Variants in THSD7B observed in about 807,000 individuals in gnomAD.
The protein encoded by THSD7B is thrombospondin type-1 domain-containing protein 7B.
THSD7B carries 138 observed loss-of-function variants against 213.6 expected under a neutral mutation model. The observed-to-expected ratio is 0.65, with a 90% CI of 0.56 to 0.74. The LOEUF (loss-of-function observed/expected upper bound fraction) is 0.74. Ranked by LOEUF, THSD7B falls within the 30% of genes least tolerant of loss-of-function variation. THSD7B has a pLI of 0.00. For missense variants in THSD7B, 1,931 were observed against 1,991.5 expected (o/e 0.97, Z 0.58); for synonymous variants, 742 against 687.0 (o/e 1.08, Z -1.25).
chr2:137,366,626 T>TAAA (rs36050219), intron 12 of THSD7B, among the ~76,000 whole-genome samples: 15 of 146,438 alleles, frequency 1.0e-4, no homozygotes, highest in African/African-American at 3.7e-4. Flanking sequence ...CATACAATCG[T>TAAA]AAAAAAAAAA....
intron 2 of THSD7B, among the ~76,000 whole-genome samples, chr2:136,929,201 T>C (rs556597621): frequency 8.0e-4 from 122 of 152,332 alleles, no homozygotes; most frequent in Non-Finnish European, 1.6e-3. Context: ...TCTTGTAGAT[T>C]AATACTCTGC....
intron 2 of THSD7B, among the ~76,000 whole-genome samples, chr2:136,905,589 TC>T (rs1684145624): frequency 6.6e-6 from 1 of 152,234 alleles, no homozygotes; most frequent in Admixed American, 6.5e-5. Context: ...TTTGTAGTCA[TC>T]CTGCCTAATC....
intron 12 of THSD7B, among the ~76,000 whole-genome samples, chr2:137,309,776 G>A (rs1206501048): frequency 1.3e-5 from 2 of 152,066 alleles, no homozygotes; most frequent in East Asian, 3.9e-4. Flanking sequence ...TGTTCTTGGC[G>A]ATAGTTTACT....
chr2:137,317,193 A>C (rs761689570), intron 12 of THSD7B, among the ~76,000 whole-genome samples: 1 of 152,180 alleles, frequency 6.6e-6, no homozygotes, highest in Non-Finnish European at 1.5e-5. Flanking sequence ...AAATGAGACT[A>C]TCCTACATAC....
chr2:137,076,352 A>G (rs1254148187), intron 3 of THSD7B, among the ~76,000 whole-genome samples: 1 of 152,230 alleles, frequency 6.6e-6, no homozygotes, highest in Non-Finnish European at 1.5e-5. Context: ...CTGTTCTAGC[A>G]ATAAGCGAGA....
At chr2:136,910,610 C>T (rs1364989437) in intron 2 of THSD7B, among the ~76,000 whole-genome samples, 1 of 152,012 alleles carries the variant, frequency 6.6e-6, no homozygotes, top group Non-Finnish European at 1.5e-5. Flanking sequence ...TATCCAAAGG[C>T]TTTTTAGTAC....
intron 17 of THSD7B, among the ~76,000 whole-genome samples, chr2:137,591,463 A>T (rs1189101979): frequency 6.6e-6 from 1 of 151,898 alleles, no homozygotes; most frequent in Non-Finnish European, 1.5e-5. Context: ...AGTATATTTC[A>T]GTTTTTAAAT....
chr2:136,790,484 A>G (rs2710180), intron 1 of THSD7B, among the ~76,000 whole-genome samples: 1,917 of 152,172 alleles, frequency 0.013, 47 homozygotes, highest in African/African-American at 0.043. Context: ...AGTCACAGTG[A>G]TCTCCACTTT....
chr2:136,869,785 T>A (rs768188767), intron 1 of THSD7B, among the ~76,000 whole-genome samples: 1 of 152,028 alleles, frequency 6.6e-6, no homozygotes, highest in Non-Finnish European at 1.5e-5. Context: ...TAAAAATGAG[T>A]GTCAGCGGCT....
intron 5 of THSD7B, among the ~76,000 whole-genome samples, chr2:137,115,568 C>CT (rs748559304): frequency 3.0e-4 from 45 of 151,986 alleles, no homozygotes; most frequent in Admixed American, 1.6e-3. Flanking sequence ...ATGCTACAAG[C>CT]TAAGGGTCTG....
At position 137,096,735 on chromosome 2, in the gene THSD7B, A is replaced by AT. The variant is rs141992331; in HGVS notation, c.1199+1616dup. The stretch of plus-strand genomic sequence containing the variant: ...TTAACATTGAAATACCTGGATTAAA[A>AT]TTGTATCTTCATCACTTACTAGCAG... On this transcript the variant is annotated intron_variant, in intron 4 of 27. Transcript: ENST00000409968. 2.0e-3 allele frequency among the ~76,000 whole-genome samples: 312 copies of AT among 152,316 alleles called. 3 individuals carry two copies. Among genetic ancestry groups the AT allele is most frequent in the African/African-American group, 7.2e-3 (299 of 41,568 alleles).
At chr2:137,061,597 T>C (rs1175245680) in intron 3 of THSD7B, among the ~76,000 whole-genome samples, 1 of 151,748 alleles carries the variant, frequency 6.6e-6, no homozygotes, top group African/African-American at 2.4e-5. Context: ...TTAAATATTT[T>C]TTCTGCCTCT....
chr2:136,877,191 G>A (rs1683538692), intron 1 of THSD7B, among the ~76,000 whole-genome samples: 1 of 152,184 alleles, frequency 6.6e-6, no homozygotes, highest in African/African-American at 2.4e-5. Flanking sequence ...TTTACTTGAG[G>A]AGGGGGACTA....
intron 12 of THSD7B, among the ~76,000 whole-genome samples, chr2:137,349,834 A>G (rs1394446402): frequency 6.6e-6 from 1 of 151,834 alleles, no homozygotes; most frequent in Non-Finnish European, 1.5e-5. Flanking sequence ...GAGAACTAAC[A>G]GAGATTAAGA....
At chr2:137,125,345 C>A (rs1688613810) in intron 5 of THSD7B, among the ~76,000 whole-genome samples, 1 of 152,174 alleles carries the variant, frequency 6.6e-6, no homozygotes, top group Non-Finnish European at 1.5e-5. Context: ...ATTCTAAATG[C>A]TTTGTTGCCA....
chr2:137,356,967 G>GACAGACACAC (rs1685147081), intron 12 of THSD7B, among the ~76,000 whole-genome samples: 1 of 140,872 alleles, frequency 7.1e-6, no homozygotes, highest in African/African-American at 2.6e-5. Flanking sequence ...CACACACACA[G>GACAGACACAC]ACACACACAC....
intron 15 of THSD7B, among the ~76,000 whole-genome samples, chr2:137,455,652 A>G (rs920335642): frequency 1.8e-4 from 27 of 152,242 alleles, no homozygotes; most frequent in African/African-American, 6.0e-4. Context: ...TACTTTGAGC[A>G]TGCAGCTTGT....
At chr2:137,152,443 AT>A (rs1168605177) in intron 5 of THSD7B, among the ~76,000 whole-genome samples, 1 of 152,224 alleles carries the variant, frequency 6.6e-6, no homozygotes, top group Non-Finnish European at 1.5e-5. Flanking sequence ...ATTAAAGGAT[AT>A]GGAGATTTAA....
At chr2:137,011,891 G>C (rs1374608502) in intron 2 of THSD7B, among the ~76,000 whole-genome samples, 1 of 152,042 alleles carries the variant, frequency 6.6e-6, no homozygotes, top group African/African-American at 2.4e-5. Context: ...TTGTTAAAAG[G>C]ATTGCATTTT....
Sources: gnomAD v4.1 joint callset for allele counts (sites outside exome capture counted in the v4.1 genomes callset) on GRCh38, gnomAD v4.1.1 for gene constraint, MANE v1.5 for transcripts, NCBI Gene and HGNC (gene_info 2026-07-23, HGNC 2026-07-21) for gene names.